The following CWC27 variants were observed in gnomAD, a reference collection of about 807,000 sequenced individuals.
The protein encoded by CWC27 is spliceosome-associated protein CWC27 homolog.
CWC27 carries 47 observed loss-of-function variants against 63.6 expected under a neutral mutation model. The ratio of observed to expected loss-of-function variants is 0.74; its 90% CI spans 0.58 to 0.94. The LOEUF (loss-of-function observed/expected upper bound fraction) is 0.94. CWC27 is among the 40% of genes least tolerant of loss of function. The probability of loss-of-function intolerance (pLI) is 0.00; values close to 1 mark genes in which losing one functional copy is unlikely to be tolerated. For synonymous variants in CWC27, 175 were observed against 179.8 expected, an observed-to-expected ratio of 0.97 and a Z score of 0.22; for missense variants, 495 against 554.3, an observed-to-expected ratio of 0.89 and a Z score of 1.07.
intron 10 of CWC27, among the ~76,000 whole-genome samples, chr5:64,873,592 GGTGAGTA>G (rs1325813005): frequency 3.9e-5 from 6 of 152,004 alleles, no homozygotes; most frequent in Non-Finnish European, 5.9e-5. Flanking sequence ...CTCCTTGTCA[GGTGAGTA>G]GTATGCAAAT....
At chr5:65,017,653 GGAAA>G (rs1273752805) in intron 13 of CWC27, among the ~76,000 whole-genome samples, 1 of 152,162 alleles carries the variant, frequency 6.6e-6, no homozygotes, top group African/African-American at 2.4e-5. Context: ...AAATTCCCCA[GGAAA>G]GAGAGTCATA....
intron 13 of CWC27, among the ~76,000 whole-genome samples, chr5:64,982,380 C>G (rs915806217): frequency 1.3e-5 from 2 of 151,954 alleles, no homozygotes; most frequent in African/African-American, 4.8e-5. Flanking sequence ...CTGGAGTGCA[C>G]TGGTGCAGTC....
chr5:64,971,254 G>A (rs1017392241), intron 11 of CWC27, among the ~76,000 whole-genome samples: 2 of 152,070 alleles, frequency 1.3e-5, no homozygotes, highest in African/African-American at 4.8e-5. Context: ...TTTCTATGAT[G>A]CCATTAAATT....
intron 2 of CWC27, among the ~76,000 whole-genome samples, chr5:64,777,660 T>C (rs2112151114): frequency 6.6e-6 from 1 of 152,200 alleles, no homozygotes; most frequent in Middle Eastern, 3.4e-3. Context: ...TTTTCAATAG[T>C]GGAGAACATT....
chr5:64,775,236 A>T (rs535349561), intron 2 of CWC27, among the ~76,000 whole-genome samples: 258 of 152,264 alleles, frequency 1.7e-3, no homozygotes, highest in African/African-American at 5.9e-3. Flanking sequence ...GGAGCCTTCC[A>T]CTGTTAGCTA....
chr5:64,902,560 A>T (rs1324701654), intron 11 of CWC27, among the ~76,000 whole-genome samples: 1 of 152,198 alleles, frequency 6.6e-6, no homozygotes, highest in Admixed American at 6.5e-5. Context: ...TATATATTAT[A>T]TATGGGTCTA....
chr5:64,792,306 A>G (rs188683334), intron 7 of CWC27, among the ~76,000 whole-genome samples: 8 of 152,278 alleles, frequency 5.3e-5, no homozygotes, highest in Admixed American at 1.3e-4. Context: ...TGTACTTTTA[A>G]TGAATTCCAG....
rs138782279 is a variant in CWC27 at position 64,937,628 on chromosome 5, G to A, written c.1043-34075G>A. 3.6e-4 allele frequency among the ~76,000 whole-genome samples: 55 copies of A among 152,330 alleles called. 1 individual carries two copies. In the East Asian group the frequency reaches 0.01, roughly 29 times the overall value. On this transcript the variant is annotated intron_variant, in intron 11 of 13. Transcript: ENST00000381070. Reference sequence around the variant, plus strand: ...TTAGGTCTGCTTGGTCCAGAGCTGAGTTCAAATCCTGAATATCCTTGTTAA... The same window carrying A: ...TTAGGTCTGCTTGGTCCAGAGCTGAATTCAAATCCTGAATATCCTTGTTAA...
chr5:64,806,226 A>G (rs1290151610), intron 10 of CWC27, among the ~76,000 whole-genome samples: 6 of 152,212 alleles, frequency 3.9e-5, no homozygotes, highest in Admixed American at 3.9e-4. Context: ...CATAATTTGT[A>G]TATTCACTGT....
intron 11 of CWC27, among the ~76,000 whole-genome samples, chr5:64,937,509 C>G (rs1748381481): frequency 6.6e-6 from 1 of 152,028 alleles, no homozygotes; most frequent in African/African-American, 2.4e-5. Context: ...CATTTTAGTT[C>G]CAGTTATATG....
At chr5:64,893,276 G>A (rs1346823862) in intron 11 of CWC27, among the ~76,000 whole-genome samples, 3 of 152,148 alleles carry the variant, frequency 2.0e-5, no homozygotes, top group Admixed American at 2.0e-4. Flanking sequence ...CATTTTCTGA[G>A]GTTTTGCCAA....
intron 7 of CWC27, among the ~76,000 whole-genome samples, chr5:64,799,693 A>C (rs1242444087): frequency 2.6e-5 from 4 of 151,698 alleles, no homozygotes; most frequent in African/African-American, 9.7e-5. Context: ...TTTTTTGAAA[A>C]CATGAACTTT....
intron 1 of CWC27, among the ~76,000 whole-genome samples, chr5:64,772,350 G>A (rs958530189): frequency 6.6e-6 from 1 of 151,994 alleles, no homozygotes; most frequent in Admixed American, 6.5e-5. Flanking sequence ...TGATGACTGG[G>A]TGCAGTGGCT....
chr5:64,794,502 G>C (rs979699827), intron 7 of CWC27, among the ~76,000 whole-genome samples: 4 of 152,114 alleles, frequency 2.6e-5, no homozygotes, highest in African/African-American at 7.2e-5. Flanking sequence ...CCTCTGCATT[G>C]TTTAGATCAT....
At chr5:64,951,042 TG>T (rs1748697296) in intron 11 of CWC27, among the ~76,000 whole-genome samples, 2 of 151,980 alleles carry the variant, frequency 1.3e-5, no homozygotes, top group African/African-American at 4.8e-5. Context: ...ATGTTACTTT[TG>T]TTTTTTTAAG....
chr5:64,808,474 C>T, intron 10 of CWC27: 1 of 410,588 alleles, frequency 2.4e-6, no homozygotes, highest in Non-Finnish European at 3.3e-6. Context: ...TATCCATTTA[C>T]ATTTGTATCT....
chr5:64,882,661 T>G (rs1746969950), intron 10 of CWC27, among the ~76,000 whole-genome samples: 1 of 152,230 alleles, frequency 6.6e-6, no homozygotes, highest in Non-Finnish European at 1.5e-5. Context: ...TGGTGCGATC[T>G]TGGCTCACTG....
chr5:64,898,131 A>G (rs530393703), intron 11 of CWC27, among the ~76,000 whole-genome samples: 2 of 152,354 alleles, frequency 1.3e-5, no homozygotes, highest in Non-Finnish European at 2.9e-5. Flanking sequence ...ATAATGGACC[A>G]TAAAGAAAGA....
chr5:64,964,835 C>T (rs1450287757), intron 11 of CWC27, among the ~76,000 whole-genome samples: 1 of 152,074 alleles, frequency 6.6e-6, no homozygotes, highest in Non-Finnish European at 1.5e-5. Flanking sequence ...TGTTAGTCCA[C>T]CTATAGTTGG....
Sources: gnomAD v4.1 joint callset for allele counts (sites outside exome capture counted in the v4.1 genomes callset) on GRCh38, gnomAD v4.1.1 for gene constraint, MANE v1.5 for transcripts, NCBI Gene and HGNC (gene_info 2026-07-23, HGNC 2026-07-21) for gene names.